HTR1F: variants seen among roughly 807,000 people sequenced by gnomAD.
HTR1F encodes 5-hydroxytryptamine (serotonin) receptor 1F, G protein-coupled.
A neutral mutation model predicts 24.0 loss-of-function variants in HTR1F; 17 were observed. The ratio of observed to expected loss-of-function variants is 0.71; its 90% CI spans 0.48 to 1.06. HTR1F has a LOEUF of 1.06. Among genes scored for constraint, HTR1F ranks in the 50% least tolerant of loss-of-function variants. The pLI is 0.00. For synonymous variants in HTR1F, 186 were observed against 156.8 expected (o/e 1.19, Z -1.39); for missense variants, 391 against 427.8 (o/e 0.91, Z 0.76).
intron 2 of HTR1F, among the ~76,000 whole-genome samples, chr3:87,865,100 CTGAGT>C (rs1705398389): frequency 6.6e-6 from 1 of 151,960 alleles, no homozygotes. Context: ...AAGGGTTGAT[CTGAGT>C]TATTTAGTCA....
intron 2 of HTR1F, among the ~76,000 whole-genome samples, chr3:87,883,249 C>T (rs903355413): frequency 1.3e-5 from 2 of 152,162 alleles, no homozygotes; most frequent in African/African-American, 4.8e-5. Context: ...GAAAGGAAAA[C>T]TAACAAACAG....
chr3:87,851,793 T>C (rs1365592345), intron 2 of HTR1F, among the ~76,000 whole-genome samples: 1 of 151,586 alleles, frequency 6.6e-6, no homozygotes, highest in East Asian at 1.9e-4. Flanking sequence ...TGAAATAAAG[T>C]AGTGCTAAGT....
At chr3:87,819,340 AT>A (rs111877115) in intron 1 of HTR1F, among the ~76,000 whole-genome samples, 1,735 of 145,356 alleles carry the variant, frequency 0.012, 43 homozygotes, top group African/African-American at 0.04. Context: ...ATACAATAAG[AT>A]TTTTTTTTTT....
chr3:87,927,889 C>T (rs12493624), intron 2 of HTR1F, among the ~76,000 whole-genome samples: 17,094 of 152,014 alleles, frequency 0.11, 1,188 homozygotes, highest in Non-Finnish European at 0.16. Flanking sequence ...TTCTACAATG[C>T]ATTAATTTTA....
intron 2 of HTR1F, among the ~76,000 whole-genome samples, chr3:87,846,984 A>C (rs917766970): frequency 2.0e-5 from 3 of 151,896 alleles, no homozygotes; most frequent in Admixed American, 6.6e-5. Context: ...TTTGTAGATA[A>C]ATATATTATT....
At position 87,874,524 on chromosome 3, in the gene HTR1F, A is replaced by T. The variant is rs1290770751; in HGVS notation, c.-43+52400A>T. ...ACAAATGCAAAGATATCTCACACTC[A>T]TGAATTAAAAGATTTATTAATATTG... On this transcript the variant is annotated intron_variant, in intron 2 of 2. Transcript: ENST00000319595. Among the ~76,000 whole-genome samples, 9 of 152,220 alleles carry T rather than the reference A, an allele frequency of 5.9e-5. No homozygotes were observed. The East Asian group carries it at 1.7e-3, about 29-fold the overall frequency.
chr3:87,882,606 C>CA (rs1034529010), intron 2 of HTR1F, among the ~76,000 whole-genome samples: 14 of 150,040 alleles, frequency 9.3e-5, no homozygotes, highest in African/African-American at 3.2e-4. Context: ...CTATCAAGAA[C>CA]AAAAAACTAA....
intron 2 of HTR1F, among the ~76,000 whole-genome samples, chr3:87,858,698 C>A (rs533506324): frequency 2.6e-5 from 4 of 151,556 alleles, no homozygotes; most frequent in Admixed American, 6.6e-5. Context: ...TTTTGTGTAA[C>A]CTTCTGAATA....
chr3:87,987,909 G>T (rs1222780547), intron 2 of HTR1F, among the ~76,000 whole-genome samples: 1 of 148,840 alleles, frequency 6.7e-6, no homozygotes, highest in East Asian at 1.9e-4. Context: ...CAAGAAATAA[G>T]AATGTAAAAA....
At chr3:87,832,877 GTAGA>G (rs999165990) in intron 2 of HTR1F, among the ~76,000 whole-genome samples, 11 of 152,174 alleles carry the variant, frequency 7.2e-5, no homozygotes, top group Admixed American at 2.6e-4. Flanking sequence ...TGGATAGTAA[GTAGA>G]TAGATAGAGA....
chr3:87,890,904 C>T (rs1278902816), intron 2 of HTR1F, among the ~76,000 whole-genome samples: 2 of 150,380 alleles, frequency 1.3e-5, no homozygotes, highest in African/African-American at 2.5e-5. Flanking sequence ...TGCAATGGCA[C>T]GATCTCGGCT....
At chr3:87,979,502 G>C (rs1327283161) in intron 2 of HTR1F, among the ~76,000 whole-genome samples, 1 of 152,178 alleles carries the variant, frequency 6.6e-6, no homozygotes, top group Non-Finnish European at 1.5e-5. Flanking sequence ...TCTGAAAAAT[G>C]AACAGAAAGC....
chr3:87,804,020 T>G (rs972410840), intron 1 of HTR1F, among the ~76,000 whole-genome samples: 3 of 152,112 alleles, frequency 2.0e-5, no homozygotes, highest in African/African-American at 7.2e-5. Flanking sequence ...AGCTATAGAT[T>G]TTGTTGCTCT....
chr3:87,991,771 T>C lies in HTR1F; in HGVS notation c.1022T>C (p.Leu341Pro), dbSNP rs759594314. The C allele has an allele frequency of 3.1e-6, 5 of 1,611,894 alleles. No homozygotes were observed. The change falls in exon 3 of 3, where the codon CTT (leucine) becomes CCT (proline). Residue 341 changes from leucine to proline, a missense_variant. Coordinates refer to ENST00000319595, the MANE Select transcript of HTR1F (RefSeq NM_001322209.2). ...GCATGGCTTGGGTATCTCAATTCCCTTATAAATCCACTGATTTACACAATC... is the reference window on the plus strand; with the variant it reads ...GCATGGCTTGGGTATCTCAATTCCCCTATAAATCCACTGATTTACACAATC... ...FLAWLGYLNS[L>P]INPLIYTIFN...
chr3:87,812,838 G>A (rs2107101774), intron 1 of HTR1F, among the ~76,000 whole-genome samples: 1 of 152,362 alleles, frequency 6.6e-6, no homozygotes, highest in Non-Finnish European at 1.5e-5. Flanking sequence ...AGCTTAGGCA[G>A]TTGCTTCAGA....
chr3:87,853,919 T>A (rs1460069033), intron 2 of HTR1F, among the ~76,000 whole-genome samples: 1 of 152,124 alleles, frequency 6.6e-6, no homozygotes, highest in Non-Finnish European at 1.5e-5. Flanking sequence ...TATTTATTTT[T>A]TTCTTGTAAA....
chr3:87,987,453 T>C (rs953138062), intron 2 of HTR1F, among the ~76,000 whole-genome samples: 4 of 151,438 alleles, frequency 2.6e-5, no homozygotes, highest in African/African-American at 9.7e-5. Flanking sequence ...AGCACACCAT[T>C]ACATCATAGG....
At chr3:87,917,972 C>T (rs1247760048) in intron 2 of HTR1F, among the ~76,000 whole-genome samples, 2 of 151,860 alleles carry the variant, frequency 1.3e-5, no homozygotes, top group Non-Finnish European at 2.9e-5. Flanking sequence ...AAATCCTTGA[C>T]AAAATACTGT....
intron 2 of HTR1F, among the ~76,000 whole-genome samples, chr3:87,881,059 A>AGTGATT (rs1705783643): frequency 1.3e-5 from 2 of 152,188 alleles, no homozygotes; most frequent in South Asian, 4.1e-4. Context: ...TACTGGGTTC[A>AGTGATT]TCTCACTGAG....
Sources: gnomAD v4.1 joint callset for allele counts (sites outside exome capture counted in the v4.1 genomes callset) on GRCh38, gnomAD v4.1.1 for gene constraint, MANE v1.5 for transcripts, NCBI Gene and HGNC (gene_info 2026-07-23, HGNC 2026-07-21) for gene names.